ALDH3A2: variants seen among roughly 807,000 people sequenced by gnomAD.
The protein encoded by ALDH3A2 is aldehyde dehydrogenase family 3 member A2.
Under a neutral mutation model 51.3 loss-of-function variants are expected in ALDH3A2, and 36 were observed. The observed-to-expected ratio is 0.70, with a 90% CI of 0.54 to 0.93. The LOEUF (loss-of-function observed/expected upper bound fraction) is 0.93, where lower values mean the gene tolerates loss of function less well. Among genes scored for constraint, ALDH3A2 ranks in the 40% least tolerant of loss-of-function variants. ALDH3A2 has a pLI of 0.00. For synonymous variants in ALDH3A2, 199 were observed against 219.8 expected, an observed-to-expected ratio of 0.91 and a Z score of 0.84; for missense variants, 552 against 603.1, an observed-to-expected ratio of 0.92 and a Z score of 0.89.
At chr17:19,670,523 T>C (rs895615303) in intron 8 of ALDH3A2, among the ~76,000 whole-genome samples, 1 of 151,774 alleles carries the variant, frequency 6.6e-6, no homozygotes, top group Non-Finnish European at 1.5e-5. Flanking sequence ...CCCAGTTTCT[T>C]ACTACCTTGG....
At position 19,657,746 on chromosome 17, in the gene ALDH3A2, C is replaced by T. The variant is rs72547566; in HGVS notation, c.682C>T (p.Arg228Cys). ...KDCDLDIVCR[R>C]ITWGKYMNCG... is the part of the protein sequence containing the mutation. Reference sequence around the variant, plus strand: ...CTGTTCTGGATGTTTTCCCCTCAGACGCATAACCTGGGGAAAATACATGAA... The same window carrying T: ...CTGTTCTGGATGTTTTCCCCTCAGATGCATAACCTGGGGAAAATACATGAA... The change falls in exon 5 of 10, where the codon CGC becomes TGC. Residue 228 changes from arginine to cysteine, a missense_variant and splice_region_variant. Transcript: ENST00000176643. The T allele has an allele frequency of 2.3e-5, 37 of 1,604,176 alleles. No homozygotes were observed. Among genetic ancestry groups the T allele is most frequent in the Non-Finnish European group, 3.1e-5 (36 of 1,171,046 alleles).
intron 9 of ALDH3A2, chr17:19,674,462 T>C (rs2085161976): frequency 6.6e-6 from 1 of 152,090 alleles, no homozygotes; most frequent in Non-Finnish European, 1.5e-5. Context: ...GAAGCAGCAA[T>C]ATATAAAAGA....
chr17:19,657,771 A>G lies in ALDH3A2; in HGVS notation c.707A>G (p.Asn236Ser). ...CGCATAACCTGGGGAAAATACATGA[A>G]TTGTGGCCAAACCTGCATTGCACCC... ...CRRITWGKYM[N>S]CGQTCIAPDY... Residue 236 changes from asparagine to serine, a missense_variant, in exon 5 of 10, where the codon AAT (asparagine) becomes AGT (serine). Asn to Ser is a conservative substitution (Grantham distance 46). Coordinates refer to ENST00000176643, the MANE Select transcript of ALDH3A2 (RefSeq NM_000382.3). The G allele has an allele frequency of 3.1e-6, 5 of 1,613,954 alleles. No individual in the cohort carries two copies. Among genetic ancestry groups the G allele is most frequent in the South Asian group, 1.1e-5 (1 of 91,062 alleles).
intron 1 of ALDH3A2, 144 bp from the exon 2 acceptor site, chr17:19,651,403 G>A (rs2152326351): frequency 1.4e-6 from 1 of 719,514 alleles, no homozygotes; most frequent in Admixed American, 2.0e-5. Context: ...CGTGAAGGGT[G>A]CAAAAGGAGT....
intron 8 of ALDH3A2, among the ~76,000 whole-genome samples, chr17:19,665,792 C>T (rs530179327): frequency 6.6e-6 from 1 of 152,210 alleles, no homozygotes; most frequent in Non-Finnish European, 1.5e-5. Context: ...ACAAAATAGC[C>T]GATATGTAAA....
At position 19,676,897 on chromosome 17, in the gene ALDH3A2, G is replaced by T. The variant is rs1049689819; in HGVS notation, c.*1325G>T. ...GAGGCCTGGGATATTAGGACTTTGGGGTTTGAGAGCATCATGGGGCAGACA... is the reference window on the plus strand; with the variant it reads ...GAGGCCTGGGATATTAGGACTTTGGTGTTTGAGAGCATCATGGGGCAGACA... On this transcript the variant is annotated 3_prime_UTR_variant, in exon 10 of 10. Transcript: ENST00000176643. 1 of 152,186 alleles carries T rather than the reference G, an allele frequency of 6.6e-6. No homozygotes were observed. The highest frequency in any genetic ancestry group is 2.4e-5 in the African/African-American group (1 of 41,422). The allele number at this position is 152,186 out of a possible 1,614,324, so 9.4% of individuals were successfully genotyped here.
chr17:19,650,547 G>C (rs1480511208), intron 1 of ALDH3A2, among the ~76,000 whole-genome samples: 1 of 151,868 alleles, frequency 6.6e-6, no homozygotes, highest in Non-Finnish European at 1.5e-5. Context: ...TCCACCTCCC[G>C]GGTTCACACC....
At chr17:19,668,958 C>T (rs2085075153) in intron 8 of ALDH3A2, among the ~76,000 whole-genome samples, 1 of 77,682 alleles carries the variant, frequency 1.3e-5, no homozygotes, top group Non-Finnish European at 2.9e-5. Flanking sequence ...TCCCTCCCTC[C>T]TTTTCTTCTT....
At chr17:19,650,364 C>G (rs891788018) in intron 1 of ALDH3A2, among the ~76,000 whole-genome samples, 9 of 152,056 alleles carry the variant, frequency 5.9e-5, no homozygotes, top group African/African-American at 2.2e-4. Flanking sequence ...TCACTGCAGC[C>G]TCCAACTCCT....
intron 4 of ALDH3A2, among the ~76,000 whole-genome samples, chr17:19,656,943 G>T (rs1399529455): frequency 1.3e-5 from 2 of 152,154 alleles, no homozygotes; most frequent in Non-Finnish European, 2.9e-5. Context: ...CATTTGAGAG[G>T]GTATTATGCT....
chr17:19,651,293 G>C (rs960752035), intron 1 of ALDH3A2, among the ~76,000 whole-genome samples: 1 of 152,196 alleles, frequency 6.6e-6, no homozygotes, highest in Admixed American at 6.5e-5. Context: ...ACTAAAGAAG[G>C]ATTTACTAAT....
chr17:19,654,181 A>G lies in ALDH3A2; in HGVS notation c.471+1549A>G, dbSNP rs755804963. On this transcript the variant is annotated intron_variant, in intron 3 of 9. Transcript: ENST00000176643. This position sits in a 1 kb window ranked among gnomAD's most constrained non-coding sequence, Gnocchi z 4.5. ...AGACACAGAGTGCTGATTGGTGCAT[A>G]TACAATCCTCCGGCTAGACATAAAA... Among the ~76,000 whole-genome samples, 9 of 152,200 alleles carry G rather than the reference A, an allele frequency of 5.9e-5. No homozygotes were observed. The highest frequency in any genetic ancestry group is 1.3e-4 in the Non-Finnish European group (9 of 68,032).
At chr17:19,651,479 G>C (rs1410593592) in intron 1 of ALDH3A2, 68 bp from the exon 2 acceptor site, 1 of 1,312,648 alleles carries the variant, frequency 7.6e-7, no homozygotes, top group Non-Finnish European at 1.1e-6. Context: ...TGGTGTGAGT[G>C]TTCTGACATT....
Position 19,671,758 on chromosome 17 carries a change from T to G in ALDH3A2, c.1245T>G (p.Ser415Arg). Residue 415 changes from serine to arginine, a missense_variant, in exon 9 of 10, where the codon AGT becomes AGG. By Grantham distance (110) the Ser-to-Arg change is moderately radical. Coordinates refer to ENST00000176643, the MANE Select transcript of ALDH3A2 (RefSeq NM_000382.3). ...SGMGAYHGKH[S>R]FDTFSHQRPC... ...TGGGAGCTTATCACGGAAAACATAG[T>G]TTTGATACTTTTTCTCATCAGCGTC... 6.2e-7 allele frequency: 1 copy of G among 1,614,220 alleles called. No homozygotes were observed. The highest frequency in any genetic ancestry group is 1.1e-5 in the South Asian group (1 of 91,086).
chr17:19,651,714 A>G lies in ALDH3A2; in HGVS notation c.321A>G (p.Ile107Met). Residue 107 changes from isoleucine (I) to methionine (M), a missense_variant, in exon 2 of 10, where the codon ATA (isoleucine) becomes ATG (methionine). Transcript: ENST00000176643. ...IQPQPLGVVL[I>M]IGAWNYPFVL... Reference sequence around the variant, plus strand: ...CACAGCCTCTGGGAGTGGTGCTGATAATCGGAGCTTGGAATTACCCCTTCG... The same window carrying G: ...CACAGCCTCTGGGAGTGGTGCTGATGATCGGAGCTTGGAATTACCCCTTCG... The G allele has an allele frequency of 6.2e-7, 1 of 1,614,206 alleles. No individual in the cohort carries two copies. Among genetic ancestry groups the G allele is most frequent in the Admixed American group, 1.7e-5 (1 of 60,010 alleles).
chr17:19,657,797 G>A lies in ALDH3A2; in HGVS notation c.733G>A (p.Asp245Asn), dbSNP rs72547568. ...MNCGQTCIAP[D>N]YILCEASLQN... ...TTGTGGCCAAACCTGCATTGCACCC[G>A]ACTATATTCTCTGTGAAGCATCCCT... The change falls in exon 5 of 10, where the codon GAC (aspartate) becomes AAC (asparagine). Residue 245 changes from aspartate to asparagine, a missense_variant. Transcript: ENST00000176643. 17 of 1,613,922 alleles carry A rather than the reference G, an allele frequency of 1.1e-5. No homozygotes were observed. Among genetic ancestry groups the A allele is most frequent in the South Asian group, 2.2e-5 (2 of 91,074 alleles).
At position 19,648,842 on chromosome 17, in the gene ALDH3A2, C is replaced by A; in HGVS notation, c.-130C>A. Reference sequence around the variant, plus strand: ...CGAGCCCTGGGCGAGTGAATTGTGGCTGTGGGTTGACGGTGGAGACACCCC... The same window carrying A: ...CGAGCCCTGGGCGAGTGAATTGTGGATGTGGGTTGACGGTGGAGACACCCC... On this transcript the variant is annotated 5_prime_UTR_variant, in exon 1 of 10. It adds an upstream start codon to the 5' untranslated region. Coordinates refer to ENST00000176643, the MANE Select transcript of ALDH3A2 (RefSeq NM_000382.3). 7.9e-7 allele frequency: 1 copy of A among 1,261,160 alleles called. No homozygotes were observed. The highest frequency in any genetic ancestry group is 1.1e-6 in the Non-Finnish European group (1 of 908,816). The allele number at this position is 1,261,160 out of a possible 1,614,324, so 78.1% of individuals were successfully genotyped here.
chr17:19,670,257 GA>G (rs1164109953), intron 8 of ALDH3A2, among the ~76,000 whole-genome samples: 1 of 152,106 alleles, frequency 6.6e-6, no homozygotes, highest in East Asian at 1.9e-4. Flanking sequence ...ATTATTTTGG[GA>G]AGAATTTATA....
At chr17:19,649,210 T>G in intron 1 of ALDH3A2, 86 bp downstream of exon 1, 8 of 1,499,184 alleles carry the variant, frequency 5.3e-6, no homozygotes, top group Non-Finnish European at 7.2e-6. Context: ...TTGTTTTTGC[T>G]TTTACATTTC....
Sources: allele counts gnomAD v4.1 joint callset (sites outside exome capture counted in the v4.1 genomes callset), GRCh38; gene constraint gnomAD v4.1.1; non-coding constraint Gnocchi (gnomAD v3.1); transcripts MANE v1.5; gene names NCBI Gene and HGNC (gene_info 2026-07-23, HGNC 2026-07-21).